DIS3L2: variants seen among roughly 807,000 people sequenced by gnomAD.
DIS3L2 encodes DIS3 like 3'-5' exoribonuclease 2, also known as DIS3-like exonuclease 2.
DIS3L2 carries 34 observed loss-of-function variants against 97.5 expected under a neutral mutation model. That is an observed-to-expected ratio of 0.35 (90% CI 0.27 to 0.46). The LOEUF (loss-of-function observed/expected upper bound fraction) is 0.46, where lower values mean the gene tolerates loss of function less well. Among genes scored for constraint, DIS3L2 ranks in the 20% least tolerant of loss-of-function variants. The pLI is 1.00. For synonymous variants in DIS3L2, 435 were observed against 445.2 expected (o/e 0.98, Z 0.29); for missense variants, 1,038 against 1,146.0 (o/e 0.91, Z 1.36).
At chr2:232,133,720 C>A (rs1698279444) in intron 7 of DIS3L2, among the ~76,000 whole-genome samples, 1 of 152,144 alleles carries the variant, frequency 6.6e-6, no homozygotes, top group African/African-American at 2.4e-5. Flanking sequence ...CACAGTGGCT[C>A]ACTCCTGTAA....
At chr2:232,329,785 T>TCCCGGGGGGGCGC in intron 14 of DIS3L2, 28 bp from the exon 15 acceptor site, 2 of 967,144 alleles carry the variant, frequency 2.1e-6, no homozygotes, top group Non-Finnish European at 2.9e-6. Context: ...ACCCCAGCGG[T>TCCCGGGGGGGCGC]CCCTCCCATC....
chr2:232,174,193 G>T (rs1395411070), intron 9 of DIS3L2, among the ~76,000 whole-genome samples: 1 of 152,098 alleles, frequency 6.6e-6, no homozygotes, highest in Non-Finnish European at 1.5e-5. Context: ...TGTTGTAAAT[G>T]AAATTGTTTT....
Position 232,221,272 on chromosome 2 carries a change from T to A in DIS3L2, c.1204+10867T>A, listed in dbSNP as rs185728423. On this transcript the variant is annotated intron_variant, in intron 10 of 20. Transcript: ENST00000325385. ...GTAGATTTTAAGCATCGTTTTTTGT[T>A]AAATTAAATGGTGCATGTAGATCTT... Among the ~76,000 whole-genome samples, 9 of 152,312 alleles carry A rather than the reference T, an allele frequency of 5.9e-5. No individual in the cohort carries two copies. In the East Asian group the frequency reaches 1.7e-3, roughly 29 times the overall value.
chr2:232,012,697 A>G (rs796176971), intron 1 of DIS3L2, among the ~76,000 whole-genome samples: 28 of 151,592 alleles, frequency 1.8e-4, no homozygotes, highest in African/African-American at 6.5e-4. Flanking sequence ...GTTGTATTTT[A>G]TACTTCTTTA....
At chr2:232,326,710 G>T (rs1026844886) in intron 14 of DIS3L2, among the ~76,000 whole-genome samples, 10 of 147,164 alleles carry the variant, frequency 6.8e-5, no homozygotes, top group Non-Finnish European at 1.2e-4. Context: ...AACTAGTTGG[G>T]CCAGAGCTCC....
intron 9 of DIS3L2, among the ~76,000 whole-genome samples, chr2:232,163,865 A>G (rs1046689159): frequency 6.6e-6 from 1 of 152,246 alleles, no homozygotes; most frequent in African/African-American, 2.4e-5. Context: ...AAATGGTTGG[A>G]AAAAATTAAA....
intron 6 of DIS3L2, among the ~76,000 whole-genome samples, chr2:232,123,635 A>G (rs3116167): frequency 0.55 from 83,524 of 151,966 alleles, 24,573 homozygotes; most frequent in East Asian, 0.69. Flanking sequence ...GGAGGAAACT[A>G]CTGAAAACCA....
chr2:232,138,055 G>A (rs991481584), intron 8 of DIS3L2, among the ~76,000 whole-genome samples: 19 of 152,096 alleles, frequency 1.2e-4, no homozygotes, highest in African/African-American at 4.6e-4. Context: ...TTTTTTATCT[G>A]CCTTTCTGTC....
chr2:232,329,785 T>TCCCGGGGGGCGCCC, intron 14 of DIS3L2, 28 bp from the exon 15 acceptor site: 2 of 967,144 alleles, frequency 2.1e-6, no homozygotes, highest in Non-Finnish European at 2.9e-6. Context: ...ACCCCAGCGG[T>TCCCGGGGGGCGCCC]CCCTCCCATC....
At chr2:232,291,829 A>G (rs1325304699) in intron 13 of DIS3L2, among the ~76,000 whole-genome samples, 1 of 152,262 alleles carries the variant, frequency 6.6e-6, no homozygotes, top group African/African-American at 2.4e-5. Flanking sequence ...GTTGTCCATG[A>G]GAGGTCATCT....
At chr2:232,030,659 A>G (rs996028856) in intron 5 of DIS3L2, among the ~76,000 whole-genome samples, 1 of 152,300 alleles carries the variant, frequency 6.6e-6, no homozygotes, top group East Asian at 1.9e-4. Flanking sequence ...AAAGGAAGAT[A>G]TGGTTTTAGT....
intron 13 of DIS3L2, among the ~76,000 whole-genome samples, chr2:232,272,396 T>C (rs568724960): frequency 6.6e-6 from 1 of 152,294 alleles, no homozygotes; most frequent in Non-Finnish European, 1.5e-5. Context: ...GGGCACAGTC[T>C]CTTGAAACAG....
chr2:232,124,680 G>A (rs1698005372), intron 6 of DIS3L2, among the ~76,000 whole-genome samples: 1 of 152,176 alleles, frequency 6.6e-6, no homozygotes, highest in African/African-American at 2.4e-5. Flanking sequence ...TTTGAAGACA[G>A]TGGCTGAGAT....
At chr2:232,333,179 T>G (rs533286807) in intron 16 of DIS3L2, among the ~76,000 whole-genome samples, 661 of 5,580 alleles carry the variant, frequency 0.12, 7 homozygotes, top group African/African-American at 0.25. Flanking sequence ...CGCTGTCGCC[T>G]CCTCCTCCTC....
intron 5 of DIS3L2, among the ~76,000 whole-genome samples, chr2:232,068,404 G>A (rs1415331618): frequency 1.5e-5 from 1 of 65,854 alleles, no homozygotes; most frequent in Non-Finnish European, 2.8e-5. Context: ...AGACCCTATT[G>A]CTACTAAAAA....
intron 6 of DIS3L2, among the ~76,000 whole-genome samples, chr2:232,128,691 G>A (rs954104596): frequency 1.3e-5 from 2 of 151,960 alleles, no homozygotes; most frequent in Admixed American, 1.3e-4. Context: ...CAAAGCTCTA[G>A]TGATCCTTCT....
intron 6 of DIS3L2, among the ~76,000 whole-genome samples, chr2:232,092,746 A>G (rs1365886782): frequency 1.3e-5 from 2 of 152,080 alleles, no homozygotes; most frequent in African/African-American, 2.4e-5. Context: ...TGTTGATTTT[A>G]TATCCTAAAA....
chr2:232,241,606 G>C (rs1172290146), intron 11 of DIS3L2, among the ~76,000 whole-genome samples: 1 of 152,158 alleles, frequency 6.6e-6, no homozygotes, highest in Admixed American at 6.5e-5. Context: ...TAATCAGGTG[G>C]AAATATAAAT....
chr2:232,302,276 T>C (rs898216486), intron 14 of DIS3L2, among the ~76,000 whole-genome samples: 8 of 151,752 alleles, frequency 5.3e-5, no homozygotes, highest in Admixed American at 3.3e-4. Context: ...TTAGGAGATA[T>C]ACCTAAAGTA....
Sources: gnomAD v4.1 joint callset for allele counts (sites outside exome capture counted in the v4.1 genomes callset) on GRCh38, gnomAD v4.1.1 for gene constraint, MANE v1.5 for transcripts, NCBI Gene and HGNC (gene_info 2026-07-23, HGNC 2026-07-21) for gene names.